The following SEZ6L variants were observed in gnomAD, a reference collection of about 807,000 sequenced individuals.
SEZ6L encodes the protein seizure related 6 homolog like.
Under a neutral mutation model 106.2 loss-of-function variants are expected in SEZ6L, and 37 were observed. The ratio of observed to expected loss-of-function variants is 0.35; its 90% CI spans 0.27 to 0.46. The LOEUF (loss-of-function observed/expected upper bound fraction) is 0.46. Among genes scored for constraint, SEZ6L ranks in the 20% least tolerant of loss-of-function variants. The pLI is 1.00. For synonymous variants in SEZ6L, 541 were observed against 570.4 expected (o/e 0.95, Z 0.73); for missense variants, 1,172 against 1,332.8 (o/e 0.88, Z 1.88).
At position 26,294,403 on chromosome 22, in the gene SEZ6L, C is replaced by T. The variant is rs1317497088; in HGVS notation, c.947C>T (p.Thr316Ile). ...TGCACATACAACGTGACAGTCTACA[C>T]TGGCTATGGGGTGGAGCTCCAGGTA... is the stretch of plus-strand genomic sequence containing the variant. ...LECTYNVTVY[T>I]GYGVELQVKS... The change falls in exon 3 of 17, where the codon ACT (threonine) becomes ATT (isoleucine). Residue 316 changes from threonine to isoleucine, a missense_variant. Thr to Ile is a moderately conservative substitution (Grantham distance 89, BLOSUM62 -1). Around this residue, in one of 4 missense-constraint regions of SEZ6L, gnomAD observed 494 missense variants for 445.8 expected, o/e 1.11. Coordinates refer to ENST00000248933, the MANE Select transcript of SEZ6L (RefSeq NM_021115.5). 5.0e-6 allele frequency: 8 copies of T among 1,613,964 alleles called. No homozygotes were observed. In the African/African-American group the frequency reaches 6.7e-5, roughly 13 times the overall value.
At chr22:26,195,682 C>T (rs1367488851) in intron 1 of SEZ6L, among the ~76,000 whole-genome samples, 1 of 151,952 alleles carries the variant, frequency 6.6e-6, no homozygotes, top group East Asian at 1.9e-4. Flanking sequence ...CAATCTATCA[C>T]AGAAGAAAGA....
Position 26,355,968 on chromosome 22 carries a change from T to C in SEZ6L, c.2599+4725T>C, listed in dbSNP as rs201760544. 5.9e-5 allele frequency among the ~76,000 whole-genome samples: 9 copies of C among 152,252 alleles called. No homozygotes were observed. The East Asian group carries it at 1.7e-3, about 29-fold the overall frequency. ...CACCCTCCAGCTCTGCTGAGTGACC[T>C]TGGGCAAGTAACTTGCCCTCTCTGG... On this transcript the variant is annotated intron_variant, in intron 12 of 16. Coordinates refer to ENST00000248933, the MANE Select transcript of SEZ6L (RefSeq NM_021115.5).
chr22:26,243,989 C>T (rs2079233691), intron 1 of SEZ6L, among the ~76,000 whole-genome samples: 1 of 151,930 alleles, frequency 6.6e-6, no homozygotes, highest in Admixed American at 6.6e-5. Context: ...ATTGTGAAAC[C>T]CTGTGTCTAC....
At chr22:26,353,332 G>A (rs1460648023) in intron 12 of SEZ6L, among the ~76,000 whole-genome samples, 2 of 152,194 alleles carry the variant, frequency 1.3e-5, no homozygotes, top group African/African-American at 2.4e-5. Context: ...GTGTATGTGT[G>A]TGTATATATA....
intron 3 of SEZ6L, among the ~76,000 whole-genome samples, chr22:26,294,719 T>TG: frequency 1.4e-5 from 1 of 73,012 alleles, no homozygotes; most frequent in Non-Finnish European, 2.6e-5. Context: ...TGCACGTGCA[T>TG]AAACACACAC....
At chr22:26,281,621 G>T (rs2080773469) in intron 1 of SEZ6L, among the ~76,000 whole-genome samples, 1 of 151,980 alleles carries the variant, frequency 6.6e-6, no homozygotes, top group South Asian at 2.1e-4. Context: ...CTCGTGGTCC[G>T]CCCACCTCGG....
intron 1 of SEZ6L, among the ~76,000 whole-genome samples, chr22:26,257,759 A>ACC (rs1208868592): frequency 6.6e-6 from 1 of 152,122 alleles, no homozygotes; most frequent in Non-Finnish European, 1.5e-5. Context: ...CCCTGCAGCC[A>ACC]GGTGTCTGCC....
chr22:26,267,416 C>A (rs1421306743), intron 1 of SEZ6L, among the ~76,000 whole-genome samples: 2 of 152,142 alleles, frequency 1.3e-5, no homozygotes, highest in Non-Finnish European at 2.9e-5. Context: ...GGTAATATAA[C>A]CAAGGACCTT....
chr22:26,236,853 C>T (rs902240355), intron 1 of SEZ6L, among the ~76,000 whole-genome samples: 3 of 152,086 alleles, frequency 2.0e-5, no homozygotes, highest in East Asian at 3.9e-4. Flanking sequence ...TACCATTAGC[C>T]TCTCCTCTGC....
intron 1 of SEZ6L, among the ~76,000 whole-genome samples, chr22:26,194,029 TGG>T (rs2145662757): frequency 6.6e-6 from 1 of 152,326 alleles, no homozygotes; most frequent in South Asian, 2.1e-4. Flanking sequence ...TGACCCAGAC[TGG>T]GAGTCAAGGG....
rs2081557331 is a variant in SEZ6L, at chr22:26,304,376, GAAAGAAAGAAA to G, written c.1349-1602_1349-1592del. On this transcript the variant is annotated intron_variant, in intron 5 of 16. Transcript: ENST00000248933. ...CAAAAAAAAAAAAAGAAAGAAGAAA[GAAAGAAAGAAA>G]GAAAGAAAGAAAGAAAGAAAGAAAG... Among the ~76,000 whole-genome samples the G allele has an allele frequency of 6.1e-5, 4 of 65,890 alleles. 1 individual carries two copies. The highest frequency in any genetic ancestry group is 2.5e-4 in the African/African-American group (4 of 15,700). 43.2% of individuals were successfully genotyped at this position (65,890 alleles called of 152,430 possible).
chr22:26,192,922 G>C (rs1450364298), intron 1 of SEZ6L, among the ~76,000 whole-genome samples: 1 of 152,180 alleles, frequency 6.6e-6, no homozygotes, highest in African/African-American at 2.4e-5. Context: ...CACCCCTTTA[G>C]GTATTCCTGT....
intron 1 of SEZ6L, among the ~76,000 whole-genome samples, chr22:26,284,632 A>AC (rs2080878253): frequency 6.8e-6 from 1 of 146,194 alleles, no homozygotes; most frequent in Non-Finnish European, 1.5e-5. Flanking sequence ...AAAAAAAAAA[A>AC]CCCTAATGAC....
rs1297973177 is a variant in SEZ6L, at chr22:26,169,700, C to A, written c.31C>A (p.Leu11Ile). The A allele has an allele frequency of 7.6e-7, 1 of 1,315,770 alleles. No homozygotes were observed. The allele number at this position is 1,315,770 out of a possible 1,614,324, so 81.5% of individuals were successfully genotyped here. A position where few individuals can be genotyped will look rare whatever the true frequency, so the allele number is the denominator to read the frequency against. ...CGCGGCCCGGCCGCCCGCCGCGGGA[C>A]TCCGCGGGATCTCGCTGTTCCTCGC... MPAARPPAAGLRGISLFLALL... is the reference protein window; with the variant it reads MPAARPPAAGIRGISLFLALL... Residue 11 changes from leucine to isoleucine, a missense_variant, in exon 1 of 17, where the codon CTC becomes ATC. Leu to Ile is a conservative substitution (Grantham distance 5). Around this residue, in one of 4 missense-constraint regions of SEZ6L, gnomAD observed 494 missense variants for 445.8 expected, o/e 1.11. Transcript: ENST00000248933.
chr22:26,341,432 C>A (rs1241397196), intron 10 of SEZ6L, among the ~76,000 whole-genome samples: 1 of 152,122 alleles, frequency 6.6e-6, no homozygotes, highest in Non-Finnish European at 1.5e-5. Flanking sequence ...ACCTTTAAAC[C>A]CTGGAGGGTC....
intron 1 of SEZ6L, among the ~76,000 whole-genome samples, chr22:26,276,170 A>G (rs969027204): frequency 2.0e-5 from 3 of 152,250 alleles, no homozygotes; most frequent in African/African-American, 7.2e-5. Context: ...AATGAGACCA[A>G]TTAAGCCTTG....
chr22:26,360,540 C>T (rs2083581591), intron 12 of SEZ6L, among the ~76,000 whole-genome samples: 1 of 152,098 alleles, frequency 6.6e-6, no homozygotes, highest in Admixed American at 6.6e-5. Context: ...AGAAAATTTC[C>T]GAGGAAAGGT....
At chr22:26,206,594 A>G (rs117504476) in intron 1 of SEZ6L, among the ~76,000 whole-genome samples, 13 of 152,336 alleles carry the variant, frequency 8.5e-5, no homozygotes, top group Non-Finnish European at 1.8e-4. Flanking sequence ...GATTAACACT[A>G]AACTGCTGCC....
chr22:26,308,939 A>G (rs763053249), intron 6 of SEZ6L, among the ~76,000 whole-genome samples: 1 of 152,170 alleles, frequency 6.6e-6, no homozygotes, highest in Non-Finnish European at 1.5e-5. Flanking sequence ...CAGGAATCAG[A>G]AGACTATGTA....
Sources: gnomAD v4.1 joint callset for allele counts (sites outside exome capture counted in the v4.1 genomes callset) on GRCh38, gnomAD v4.1.1 for gene constraint, gnomAD v4.1.1 regional missense constraint, MANE v1.5 for transcripts, NCBI Gene and HGNC (gene_info 2026-07-23, HGNC 2026-07-21) for gene names.